The following CAMKMT variants were observed in gnomAD, a reference collection of about 807,000 sequenced individuals.
CAMKMT encodes the protein calmodulin-lysine N-methyltransferase.
Under a neutral mutation model 48.0 loss-of-function variants are expected in CAMKMT, and 53 were observed. The ratio of observed to expected loss-of-function variants is 1.10; its 90% CI spans 0.89 to 1.39. CAMKMT has a LOEUF of 1.39. Ranked by LOEUF, CAMKMT falls within the 40% of genes most tolerant of loss-of-function variation. CAMKMT has a pLI of 0.00. For missense variants in CAMKMT, 428 were observed against 402.7 expected (o/e 1.06, Z -0.54); for synonymous variants, 165 against 152.3 (o/e 1.08, Z -0.61).
Position 44,442,711 on chromosome 2 carries a change from T to G in CAMKMT, c.376+52406T>G, listed in dbSNP as rs543529675. 2.0e-3 allele frequency among the ~76,000 whole-genome samples: 303 copies of G among 152,312 alleles called. 1 individual carries two copies. Among genetic ancestry groups the G allele is most frequent in the African/African-American group, 7.0e-3 (290 of 41,556 alleles). ...TTTCCAAATTCCTTCAGGCCAGTGGTTCTATCCCTTGTGCTCCCAAAGTAC... is the reference window on the plus strand; with the variant it reads ...TTTCCAAATTCCTTCAGGCCAGTGGGTCTATCCCTTGTGCTCCCAAAGTAC... On this transcript the variant is annotated intron_variant, in intron 3 of 10. Coordinates refer to ENST00000378494, the MANE Select transcript of CAMKMT (RefSeq NM_024766.5).
At chr2:44,443,302 C>A (rs1432956004) in intron 3 of CAMKMT, among the ~76,000 whole-genome samples, 2 of 152,066 alleles carry the variant, frequency 1.3e-5, no homozygotes, top group Non-Finnish European at 2.9e-5. Context: ...AATCACAGCT[C>A]CTGTCCCTGG....
At chr2:44,494,952 G>T (rs1224516224) in intron 3 of CAMKMT, among the ~76,000 whole-genome samples, 1 of 152,092 alleles carries the variant, frequency 6.6e-6, no homozygotes, top group Admixed American at 6.6e-5. Flanking sequence ...ATTTGGCTTA[G>T]TTTTTTCATC....
At chr2:44,444,888 C>G (rs997089790) in intron 3 of CAMKMT, among the ~76,000 whole-genome samples, 12 of 152,258 alleles carry the variant, frequency 7.9e-5, no homozygotes, top group East Asian at 1.9e-4. Context: ...ACAGTTTCAC[C>G]TGGGCATTCG....
intron 1 of CAMKMT, among the ~76,000 whole-genome samples, chr2:44,367,510 C>G (rs1371313507): frequency 1.3e-5 from 2 of 152,094 alleles, no homozygotes; most frequent in East Asian, 1.9e-4. Flanking sequence ...GACTTGGGTC[C>G]CATCCCAAGC....
chr2:44,483,840 G>A (rs1161479816), intron 3 of CAMKMT, among the ~76,000 whole-genome samples: 3 of 152,134 alleles, frequency 2.0e-5, no homozygotes, highest in Non-Finnish European at 4.4e-5. Flanking sequence ...AGAGTGATAG[G>A]AGTGGAGCTT....
chr2:44,684,122 A>G (rs1483787579), intron 3 of CAMKMT, among the ~76,000 whole-genome samples: 2 of 152,154 alleles, frequency 1.3e-5, no homozygotes, highest in Non-Finnish European at 2.9e-5. Context: ...GAAATGATGG[A>G]GTTCACAATA....
chr2:44,729,022 T>TA (rs201005344), intron 7 of CAMKMT, among the ~76,000 whole-genome samples: 2,311 of 151,038 alleles, frequency 0.015, 27 homozygotes, highest in African/African-American at 0.034. Context: ...TTTTGTTTTT[T>TA]TAAAAAAAAA....
chr2:44,771,180 AAAC>A (rs1263582725), intron 10 of CAMKMT, among the ~76,000 whole-genome samples: 7 of 152,188 alleles, frequency 4.6e-5, no homozygotes, highest in Non-Finnish European at 8.8e-5. Context: ...TGACTAATTT[AAAC>A]AATAAAGGAA....
At chr2:44,594,297 A>T (rs1398032691) in intron 3 of CAMKMT, among the ~76,000 whole-genome samples, 1 of 152,204 alleles carries the variant, frequency 6.6e-6, no homozygotes, top group East Asian at 1.9e-4. Flanking sequence ...TCTTCACAGA[A>T]TTGGAAAAAA....
chr2:44,755,645 A>G (rs1478321133), intron 9 of CAMKMT, among the ~76,000 whole-genome samples: 6 of 152,168 alleles, frequency 3.9e-5, no homozygotes, highest in Non-Finnish European at 7.3e-5. Context: ...ATGATTTACA[A>G]TAGAAAAGTG....
At chr2:44,750,731 A>T (rs1680120860) in intron 8 of CAMKMT, among the ~76,000 whole-genome samples, 1 of 152,190 alleles carries the variant, frequency 6.6e-6, no homozygotes, top group Non-Finnish European at 1.5e-5. Flanking sequence ...TGCAAAGATG[A>T]GGCCGGGCAC....
At chr2:44,649,160 G>A (rs1180041874) in intron 3 of CAMKMT, among the ~76,000 whole-genome samples, 1 of 152,062 alleles carries the variant, frequency 6.6e-6, no homozygotes, top group Non-Finnish European at 1.5e-5. Context: ...TCAGTGAGGG[G>A]GGGAAAATGG....
chr2:44,549,519 A>G (rs1667588133), intron 3 of CAMKMT: 1 of 693,158 alleles, frequency 1.4e-6, no homozygotes, highest in Non-Finnish European at 2.6e-6. Flanking sequence ...GCACCAACCT[A>G]AAATGTATAT....
intron 3 of CAMKMT, among the ~76,000 whole-genome samples, chr2:44,562,214 C>T (rs1668360409): frequency 6.6e-6 from 1 of 152,162 alleles, no homozygotes; most frequent in Admixed American, 6.5e-5. Flanking sequence ...CTTCCCATTC[C>T]ACTCTGTGTT....
intron 3 of CAMKMT, among the ~76,000 whole-genome samples, chr2:44,590,912 T>G (rs1410772655): frequency 4.3e-4 from 66 of 151,950 alleles, no homozygotes; most frequent in African/African-American, 1.6e-3. Flanking sequence ...CTTTAATCCA[T>G]CTTGAATTAA....
At chr2:44,362,173 T>A (rs768632358) in intron 1 of CAMKMT, 28 bp downstream of exon 1, 14 of 1,444,460 alleles carry the variant, frequency 9.7e-6, no homozygotes, top group Admixed American at 3.3e-5. Flanking sequence ...CGCCTCACCT[T>A]TGCCTCTGGT....
At chr2:44,572,174 C>A (rs966227102) in intron 3 of CAMKMT, among the ~76,000 whole-genome samples, 4 of 152,090 alleles carry the variant, frequency 2.6e-5, no homozygotes, top group Non-Finnish European at 5.9e-5. Context: ...CCCTGGCAGC[C>A]ACCATTCTAC....
At chr2:44,377,861 A>C (rs1184999978) in intron 2 of CAMKMT, among the ~76,000 whole-genome samples, 1 of 152,172 alleles carries the variant, frequency 6.6e-6, no homozygotes, top group Non-Finnish European at 1.5e-5. Context: ...AGAAAAAGAC[A>C]AACCAAACCC....
At chr2:44,482,164 G>A (rs1341951798) in intron 3 of CAMKMT, among the ~76,000 whole-genome samples, 1 of 152,056 alleles carries the variant, frequency 6.6e-6, no homozygotes, top group Non-Finnish European at 1.5e-5. Flanking sequence ...GGAGCACAGT[G>A]ACTGATATGC....
Sources: gnomAD v4.1 joint callset for allele counts (sites outside exome capture counted in the v4.1 genomes callset) on GRCh38, gnomAD v4.1.1 for gene constraint, MANE v1.5 for transcripts, NCBI Gene and HGNC (gene_info 2026-07-23, HGNC 2026-07-21) for gene names.